FNDC3B: variants seen among roughly 807,000 people sequenced by gnomAD.
The protein encoded by FNDC3B is fibronectin type III domain containing 3B, also known as fibronectin type III domain-containing protein 3B.
A neutral mutation model predicts 151.5 loss-of-function variants in FNDC3B; 12 were observed. That is an observed-to-expected ratio of 0.08 (90% CI 0.05 to 0.13). The LOEUF is 0.13. FNDC3B is among the 10% of genes least tolerant of loss of function. The pLI is 1.00. For synonymous variants in FNDC3B, 528 were observed against 549.0 expected (o/e 0.96, Z 0.54); for missense variants, 1,214 against 1,505.3 (o/e 0.81, Z 3.20).
chr3:172,049,185 C>G (rs960962060), intron 1 of FNDC3B, among the ~76,000 whole-genome samples: 4 of 152,154 alleles, frequency 2.6e-5, no homozygotes, highest in Non-Finnish European at 5.9e-5. Context: ...CCATATGCCT[C>G]TTTACTCCCC....
Position 172,154,913 on chromosome 3 carries a change from G to A in FNDC3B, c.187+21367G>A, listed in dbSNP as rs187744806. Among the ~76,000 whole-genome samples the A allele has an allele frequency of 2.0e-3, 299 of 152,122 alleles. 1 individual carries two copies. The highest frequency in any genetic ancestry group is 0.01 in the Middle Eastern group (3 of 294). ...CGTGGGAACAAGTGGGGTGCTGGTG[G>A]GACAAGTCGGGGGCTGGTGATGTAC... On this transcript the variant is annotated intron_variant, in intron 3 of 25. Coordinates refer to ENST00000415807, the MANE Select transcript of FNDC3B (RefSeq NM_022763.4).
chr3:172,210,244 A>C (rs1053903306), intron 3 of FNDC3B, among the ~76,000 whole-genome samples: 8 of 152,238 alleles, frequency 5.3e-5, no homozygotes, highest in Non-Finnish European at 1.2e-4. Flanking sequence ...GCATCTTTGC[A>C]GTGGCTGCTC....
intron 3 of FNDC3B, among the ~76,000 whole-genome samples, chr3:172,209,164 C>T (rs1000046320): frequency 6.6e-5 from 10 of 152,244 alleles, no homozygotes; most frequent in Admixed American, 1.3e-4. Flanking sequence ...GTTTGTGTTA[C>T]AGCTCTTTCA....
chr3:172,065,489 C>T (rs368690100), intron 1 of FNDC3B, among the ~76,000 whole-genome samples: 1 of 152,120 alleles, frequency 6.6e-6, no homozygotes, highest in African/African-American at 2.4e-5. Context: ...GGATCACACC[C>T]GAAGAAATGC....
Position 172,196,893 on chromosome 3 carries a change from C to A in FNDC3B, c.188-29978C>A, listed in dbSNP as rs552977209. ...TATTACTTTTCTCTTTTTTAAAGAA[C>A]AATTCTTGGCTGGGCATGGTGGCTC... On this transcript the variant is annotated intron_variant, in intron 3 of 25. Transcript: ENST00000415807. Among the ~76,000 whole-genome samples, 100 of 152,192 alleles carry A rather than the reference C, an allele frequency of 6.6e-4. 1 individual carries two copies. The highest frequency in any genetic ancestry group is 2.4e-3 in the Admixed American group (37 of 15,288).
At position 172,387,048 on chromosome 3, in the gene FNDC3B, C is replaced by T. The variant is rs187815836; in HGVS notation, c.3303+5955C>T. On this transcript the variant is annotated intron_variant, in intron 25 of 25. Coordinates refer to ENST00000415807, the MANE Select transcript of FNDC3B (RefSeq NM_022763.4). ...CTCAGCTCACTGCAACCTCTGCCTC[C>T]CGGGTTCAAGTGATCCTCTTGTCTC... 2.0e-5 allele frequency among the ~76,000 whole-genome samples: 3 copies of T among 152,220 alleles called. No homozygotes were observed. The East Asian group carries it at 5.8e-4, about 29-fold the overall frequency.
At chr3:172,387,470 G>C (rs1250098634) in intron 25 of FNDC3B, among the ~76,000 whole-genome samples, 2 of 152,116 alleles carry the variant, frequency 1.3e-5, no homozygotes, top group East Asian at 3.8e-4. Context: ...GGCTATGACT[G>C]TCTCATAGGA....
At chr3:172,069,393 G>A (rs1490504533) in intron 1 of FNDC3B, among the ~76,000 whole-genome samples, 1 of 152,314 alleles carries the variant, frequency 6.6e-6, no homozygotes, top group African/African-American at 2.4e-5. Flanking sequence ...CGTGGCTAGA[G>A]CCACTAAATA....
At chr3:172,099,466 G>A (rs999735688) in intron 1 of FNDC3B, among the ~76,000 whole-genome samples, 1 of 151,932 alleles carries the variant, frequency 6.6e-6, no homozygotes, top group Non-Finnish European at 1.5e-5. Flanking sequence ...ATTATTTGTC[G>A]TTACTTCCTT....
intron 3 of FNDC3B, among the ~76,000 whole-genome samples, chr3:172,174,938 C>CCT (rs1723490723): frequency 1.7e-5 from 1 of 57,840 alleles, no homozygotes; most frequent in Admixed American, 1.5e-4. Flanking sequence ...CCGCCACCCC[C>CCT]CCCCCCCCAA....
chr3:172,335,107 G>GTTTTTTTT, intron 15 of FNDC3B, 25 bp downstream of exon 15: 2 of 1,317,794 alleles, frequency 1.5e-6, no homozygotes, highest in Non-Finnish European at 9.9e-7. Context: ...TGCTGCTACT[G>GTTTTTTTT]TTTTTTTTTT....
intron 11 of FNDC3B, 56 bp from the exon 12 acceptor site, chr3:172,328,896 T>A: frequency 7.4e-7 from 1 of 1,351,484 alleles, no homozygotes; most frequent in Middle Eastern, 1.9e-4. Flanking sequence ...TTATTTAGGG[T>A]TATCTGTTGT....
At chr3:172,041,131 T>C (rs1716024771) in intron 1 of FNDC3B, among the ~76,000 whole-genome samples, 1 of 152,152 alleles carries the variant, frequency 6.6e-6, no homozygotes, top group African/African-American at 2.4e-5. Flanking sequence ...GGGCCAAAAA[T>C]CCACAGGTTT....
intron 25 of FNDC3B, among the ~76,000 whole-genome samples, chr3:172,384,039 A>G (rs774574756): frequency 9.9e-5 from 15 of 152,206 alleles, no homozygotes; most frequent in Non-Finnish European, 1.5e-4. Context: ...TTCCAAATAC[A>G]CAAGTAGAAA....
At chr3:172,187,659 T>C (rs1377420654) in intron 3 of FNDC3B, among the ~76,000 whole-genome samples, 3 of 152,362 alleles carry the variant, frequency 2.0e-5, no homozygotes, top group East Asian at 3.9e-4. Flanking sequence ...TATTGTTTTT[T>C]CCCCCTCTTT....
chr3:172,110,175 A>G (rs897262739), intron 1 of FNDC3B, among the ~76,000 whole-genome samples: 3 of 152,236 alleles, frequency 2.0e-5, no homozygotes, highest in African/African-American at 7.2e-5. Flanking sequence ...GTGTTCAGAC[A>G]TTCTTCGGTA....
intron 25 of FNDC3B, among the ~76,000 whole-genome samples, chr3:172,382,250 G>T (rs1285076): frequency 1.2e-4 from 18 of 151,976 alleles, no homozygotes; most frequent in African/African-American, 3.1e-4. Context: ...TCATATGTTT[G>T]TTGGCCACAT....
intron 3 of FNDC3B, among the ~76,000 whole-genome samples, chr3:172,202,287 C>A (rs1224663119): frequency 2.0e-5 from 3 of 152,248 alleles, no homozygotes; most frequent in Admixed American, 6.5e-5. Context: ...TTCCTTTATT[C>A]ATTGAAAAAC....
At chr3:172,164,894 T>C (rs1240793221) in intron 3 of FNDC3B, among the ~76,000 whole-genome samples, 2 of 152,240 alleles carry the variant, frequency 1.3e-5, no homozygotes, top group Admixed American at 6.5e-5. Flanking sequence ...AAGTTTGTTA[T>C]AGGGGGAAAT....
Sources: allele counts gnomAD v4.1 joint callset (sites outside exome capture counted in the v4.1 genomes callset), GRCh38; gene constraint gnomAD v4.1.1; transcripts MANE v1.5; gene names NCBI Gene and HGNC (gene_info 2026-07-23, HGNC 2026-07-21).